The following EPHA6 variants were observed in gnomAD, a reference collection of about 807,000 sequenced individuals.
EPHA6 encodes EPH receptor A6.
In EPHA6, 50 loss-of-function variants were observed where a neutral mutation model predicts 112.0. The observed-to-expected ratio is 0.45, with a 90% CI of 0.36 to 0.56. The LOEUF is 0.56. EPHA6 is among the 20% of genes least tolerant of loss of function. The probability of loss-of-function intolerance (pLI) is 0.00; values close to 1 mark genes in which losing one functional copy is unlikely to be tolerated. For synonymous variants in EPHA6, 529 were observed against 490.7 expected (o/e 1.08, Z -1.03); for missense variants, 1,280 against 1,417.4 (o/e 0.90, Z 1.56).
intron 6 of EPHA6, among the ~76,000 whole-genome samples, chr3:97,414,983 G>T (rs1278332992): frequency 1.3e-5 from 2 of 151,916 alleles, no homozygotes; most frequent in Non-Finnish European, 2.9e-5. Context: ...AGCATTTTCT[G>T]ATTGACTTAC....
chr3:97,462,163 G>C (rs141843579), intron 7 of EPHA6, among the ~76,000 whole-genome samples: 1 of 152,072 alleles, frequency 6.6e-6, no homozygotes, highest in African/African-American at 2.4e-5. Flanking sequence ...TTGTGCCTCA[G>C]TTTCTCCATC....
At chr3:96,830,878 T>C (rs1476597844) in intron 1 of EPHA6, among the ~76,000 whole-genome samples, 1 of 152,004 alleles carries the variant, frequency 6.6e-6, no homozygotes, top group Non-Finnish European at 1.5e-5. Flanking sequence ...TAGTTAATGA[T>C]AATAAAGTAG....
intron 1 of EPHA6, among the ~76,000 whole-genome samples, chr3:96,822,801 A>C (rs1242887759): frequency 6.6e-6 from 1 of 151,084 alleles, no homozygotes; most frequent in Non-Finnish European, 1.5e-5. Flanking sequence ...TTGTATTTTG[A>C]GCTACATGAG....
intron 11 of EPHA6, among the ~76,000 whole-genome samples, chr3:97,587,302 A>G (rs1337583632): frequency 6.6e-6 from 1 of 152,074 alleles, no homozygotes; most frequent in Admixed American, 6.6e-5. Flanking sequence ...AGCTCTTCAA[A>G]TTATTGTTCA....
At chr3:97,003,620 A>G (rs1282006079) in intron 3 of EPHA6, among the ~76,000 whole-genome samples, 2 of 152,176 alleles carry the variant, frequency 1.3e-5, no homozygotes, top group East Asian at 3.9e-4. Flanking sequence ...TAGTGAAGCA[A>G]TAACTTTTTA....
intron 3 of EPHA6, among the ~76,000 whole-genome samples, chr3:97,191,583 G>A (rs918397443): frequency 4.6e-5 from 7 of 151,922 alleles, no homozygotes; most frequent in African/African-American, 1.7e-4. Context: ...TTGACTATCT[G>A]TGTCTGGCTT....
chr3:97,001,647 CAATA>C (rs2043668262), intron 3 of EPHA6, among the ~76,000 whole-genome samples: 1 of 151,830 alleles, frequency 6.6e-6, no homozygotes, highest in Admixed American at 6.6e-5. Context: ...GAATGAGTAT[CAATA>C]AATAAATCAA....
intron 5 of EPHA6, among the ~76,000 whole-genome samples, chr3:97,287,256 CTGGCTAGGACT>C (rs1251407073): frequency 6.6e-6 from 1 of 152,006 alleles, no homozygotes; most frequent in Non-Finnish European, 1.5e-5. Context: ...CCTGATTGCT[CTGGCTAGGACT>C]TGGCATCCTT....
At chr3:97,502,057 G>A (rs374990712) in intron 10 of EPHA6, among the ~76,000 whole-genome samples, 29 of 151,550 alleles carry the variant, frequency 1.9e-4, no homozygotes, top group South Asian at 2.1e-4. Flanking sequence ...CAGGGCTTAC[G>A]TACCACAGAG....
chr3:97,086,811 T>G (rs2046915671), intron 3 of EPHA6, among the ~76,000 whole-genome samples: 1 of 152,106 alleles, frequency 6.6e-6, no homozygotes, highest in Non-Finnish European at 1.5e-5. Flanking sequence ...TTTAATGAAG[T>G]ATCAATTTAC....
At chr3:97,716,319 A>G (rs1233690831) in intron 14 of EPHA6, among the ~76,000 whole-genome samples, 1 of 146,614 alleles carries the variant, frequency 6.8e-6, no homozygotes, top group Non-Finnish European at 1.5e-5. Context: ...CTGTAATCCC[A>G]GCACTTTGGG....
In EPHA6 at chr3:97,749,145, T is replaced by C. The variant is rs1266412506; in HGVS notation, c.*444T>C. ...CAAACTGACAGAAATGTTTCATTTT[T>C]AGATAATTATATTCAGCTCTATTGG... On this transcript the variant is annotated 3_prime_UTR_variant, in exon 18 of 18. Coordinates refer to ENST00000389672, the MANE Select transcript of EPHA6 (RefSeq NM_001080448.3). The C allele has an allele frequency of 8.5e-6, 2 of 235,238 alleles. No individual in the cohort carries two copies. Among genetic ancestry groups the C allele is most frequent in the East Asian group, 1.2e-4 (2 of 16,468 alleles). The allele number at this position is 235,238 out of a possible 1,614,324, so 14.6% of individuals were successfully genotyped here.
chr3:97,326,828 A>C (rs1407822689), intron 5 of EPHA6, among the ~76,000 whole-genome samples: 1 of 152,122 alleles, frequency 6.6e-6, no homozygotes, highest in Non-Finnish European at 1.5e-5. Context: ...GATTTGCCTC[A>C]TTGCAGATCC....
intron 3 of EPHA6, among the ~76,000 whole-genome samples, chr3:97,074,105 C>G (rs1269291130): frequency 6.6e-6 from 1 of 151,924 alleles, no homozygotes; most frequent in East Asian, 1.9e-4. Flanking sequence ...TATAGTTACA[C>G]ACACCACGTT....
chr3:96,936,451 T>G (rs2107670760), intron 2 of EPHA6, among the ~76,000 whole-genome samples: 1 of 152,124 alleles, frequency 6.6e-6, no homozygotes, highest in Admixed American at 6.6e-5. Flanking sequence ...AGTTAAATTA[T>G]AAAATTTATA....
chr3:97,453,770 G>T (rs2107345146), intron 7 of EPHA6, among the ~76,000 whole-genome samples: 1 of 151,562 alleles, frequency 6.6e-6, no homozygotes, highest in African/African-American at 2.4e-5. Context: ...TAAGAAATTT[G>T]GTTTGTTTTA....
chr3:96,843,941 A>G (rs2034912943), intron 1 of EPHA6, among the ~76,000 whole-genome samples: 1 of 152,082 alleles, frequency 6.6e-6, no homozygotes, highest in South Asian at 2.1e-4. Context: ...ATATATTTAC[A>G]TTTATGTAAA....
chr3:97,747,205 C>T (rs1440050045), intron 16 of EPHA6, among the ~76,000 whole-genome samples: 2 of 151,722 alleles, frequency 1.3e-5, no homozygotes, highest in Non-Finnish European at 2.9e-5. Flanking sequence ...GCAAAAAACA[C>T]AAAAAGACAA....
chr3:97,695,816 G>GGTA (rs1022606222), intron 14 of EPHA6, among the ~76,000 whole-genome samples: 3 of 152,186 alleles, frequency 2.0e-5, no homozygotes, highest in African/African-American at 7.2e-5. Flanking sequence ...TGGGATTACA[G>GGTA]GCATGAGCCA....
Sources: allele counts gnomAD v4.1 joint callset (sites outside exome capture counted in the v4.1 genomes callset), GRCh38; gene constraint gnomAD v4.1.1; transcripts MANE v1.5; gene names NCBI Gene and HGNC (gene_info 2026-07-23, HGNC 2026-07-21).